Variants in THBS4 observed in about 807,000 individuals in gnomAD.
THBS4 encodes the protein thrombospondin 4.
A neutral mutation model predicts 115.7 loss-of-function variants in THBS4; 90 were observed. That is an observed-to-expected ratio of 0.78 (90% CI 0.66 to 0.93). THBS4 has a LOEUF of 0.93. Among genes scored for constraint, THBS4 ranks in the 40% least tolerant of loss-of-function variants. The probability of loss-of-function intolerance (pLI) is 0.00; values close to 1 mark genes in which losing one functional copy is unlikely to be tolerated. For synonymous variants in THBS4, 460 were observed against 479.3 expected, an observed-to-expected ratio of 0.96 and a Z score of 0.53; for missense variants, 1,087 against 1,232.7, an observed-to-expected ratio of 0.88 and a Z score of 1.77.
chr5:80,028,562 G>A (rs966060564), intron 2 of THBS4, among the ~76,000 whole-genome samples: 5 of 151,768 alleles, frequency 3.3e-5, no homozygotes, highest in Non-Finnish European at 7.4e-5. Context: ...GAGTTCAAGC[G>A]ATTCTCCTGC....
intron 2 of THBS4, among the ~76,000 whole-genome samples, chr5:80,028,893 A>C (rs192230340): frequency 0.013 from 1,899 of 151,460 alleles, 46 homozygotes; most frequent in African/African-American, 0.044. Context: ...TATTTTACCC[A>C]CTCTTTTTAT....
chr5:80,076,048 C>T (rs995971948), intron 15 of THBS4: 1 of 152,324 alleles, frequency 6.6e-6, no homozygotes, highest in African/African-American at 2.4e-5. Context: ...TGAGAGGTCT[C>T]AGACTCCAGG....
At chr5:80,010,388 A>G (rs1832100315) in intron 2 of THBS4, among the ~76,000 whole-genome samples, 1 of 152,230 alleles carries the variant, frequency 6.6e-6, no homozygotes, top group Admixed American at 6.5e-5. Flanking sequence ...TCAGTGGTTC[A>G]GAGTTTGTGG....
intron 8 of THBS4, among the ~76,000 whole-genome samples, chr5:80,065,078 C>T (rs1418407663): frequency 6.6e-6 from 1 of 151,616 alleles, no homozygotes; most frequent in African/African-American, 2.4e-5. Context: ...GCTAAGAATC[C>T]TCATTTAGGA....
chr5:80,034,732 T>C (rs557695713), upstream of THBS4, among the ~76,000 whole-genome samples: 37 of 152,328 alleles, frequency 2.4e-4, no homozygotes, highest in East Asian at 6.2e-3. Flanking sequence ...GAGATGTGTT[T>C]TATCTCCATT....
intron 2 of THBS4, among the ~76,000 whole-genome samples, chr5:80,015,038 A>C (rs1236476680): frequency 6.6e-6 from 1 of 152,232 alleles, no homozygotes; most frequent in African/African-American, 2.4e-5. Context: ...ACTCTCAAAA[A>C]CTTGGAAATG....
rs1833133608 is a variant in THBS4 at position 80,048,089 on chromosome 5, T to C, written c.293-7696T>C. Among the ~76,000 whole-genome samples the C allele has an allele frequency of 2.6e-5, 4 of 152,282 alleles. No individual in the cohort carries two copies. In the South Asian group the frequency reaches 8.3e-4, roughly 32 times the overall value. On this transcript the variant is annotated intron_variant, in intron 2 of 21. Transcript: ENST00000350881. The stretch of plus-strand genomic sequence containing the variant: ...GTGATCATGCCACTGCACTCCAGCC[T>C]GGGCAACAGGGCAAGCTCTTGTTTC...
intron 1 of THBS4, among the ~76,000 whole-genome samples, chr5:79,996,815 T>A (rs1470727282): frequency 6.6e-6 from 1 of 152,126 alleles, no homozygotes; most frequent in East Asian, 1.9e-4. Context: ...ACTTAAAAAA[T>A]GAGGTTTGTA....
At chr5:80,022,640 C>T (rs1832400538) in intron 2 of THBS4, among the ~76,000 whole-genome samples, 1 of 152,158 alleles carries the variant, frequency 6.6e-6, no homozygotes, top group South Asian at 2.1e-4. Context: ...CTAATTTGTG[C>T]AGCTCATTTA....
upstream of THBS4, chr5:80,033,209 T>C: frequency 4.4e-6 from 2 of 456,424 alleles, no homozygotes; most frequent in South Asian, 1.7e-5. Context: ...TTGGGGATCC[T>C]GCGGCTGATG....
At chr5:80,023,028 C>T (rs930414386) in intron 2 of THBS4, among the ~76,000 whole-genome samples, 1 of 152,106 alleles carries the variant, frequency 6.6e-6, no homozygotes, top group African/African-American at 2.4e-5. Context: ...GTTGCAAGAA[C>T]ACCAGCCTCA....
intron 21 of THBS4, 73 bp downstream of exon 21, chr5:80,082,618 C>T (rs937940569): frequency 1.4e-5 from 22 of 1,564,604 alleles, no homozygotes; most frequent in East Asian, 2.3e-5. Context: ...ATTTTTATAC[C>T]GCACTTCCCC....
At chr5:80,068,386 G>A (rs1259599031) in intron 10 of THBS4, 6 of 402,372 alleles carry the variant, frequency 1.5e-5, no homozygotes, top group East Asian at 5.1e-5. Context: ...CAGAGCCTCC[G>A]GTGAAGCCCC....
Position 80,083,109 on chromosome 5 carries a change from C to T in THBS4, c.2854C>T (p.Gln952Ter), listed in dbSNP as rs1388692425. Reference sequence around the variant, plus strand: ...CATCCCTGAGGACTTCCAAGAGTTTCAAACCCAGAATTTCGACCGCTTCGA... The same window carrying T: ...CATCCCTGAGGACTTCCAAGAGTTTTAAACCCAGAATTTCGACCGCTTCGA... ...DTIPEDFQEF[Q>*]TQNFDRFDN Residue 952 changes from glutamine (Q) to a stop codon, truncating the protein, a stop_gained, in exon 22 of 22, where the codon CAA becomes TAA. Coordinates refer to ENST00000350881, the MANE Select transcript of THBS4 (RefSeq NM_003248.6). LOFTEE classifies it high-confidence loss of function. 1 of 1,614,054 alleles carries T rather than the reference C, an allele frequency of 6.2e-7. No individual in the cohort carries two copies. The highest frequency in any genetic ancestry group is 2.2e-5 in the East Asian group (1 of 44,890).
chr5:80,046,918 C>T (rs1233902544), intron 2 of THBS4, among the ~76,000 whole-genome samples: 1 of 152,134 alleles, frequency 6.6e-6, no homozygotes, highest in African/African-American at 2.4e-5. Flanking sequence ...TACTATCATT[C>T]ATATTTACAA....
upstream of THBS4, among the ~76,000 whole-genome samples, chr5:80,034,342 T>C (rs1157078126): frequency 6.6e-6 from 1 of 152,208 alleles, no homozygotes; most frequent in Non-Finnish European, 1.5e-5. Context: ...AAATGGTGCA[T>C]TAATCTCCCA....
chr5:80,022,565 A>G (rs575554789), intron 2 of THBS4, among the ~76,000 whole-genome samples: 7 of 152,332 alleles, frequency 4.6e-5, no homozygotes, highest in South Asian at 2.1e-4. Context: ...TCACCTTTCA[A>G]TTACACAGTT....
At chr5:80,062,543 T>C (rs1003096383) in intron 8 of THBS4, among the ~76,000 whole-genome samples, 4 of 152,236 alleles carry the variant, frequency 2.6e-5, no homozygotes, top group African/African-American at 9.6e-5. Flanking sequence ...TTTTTTTAAG[T>C]TATTGTTATA....
At chr5:80,074,672 G>A (rs1743108597) in intron 15 of THBS4, among the ~76,000 whole-genome samples, 1 of 149,820 alleles carries the variant, frequency 6.7e-6, no homozygotes, top group Admixed American at 6.7e-5. Context: ...CACCCAGGCT[G>A]GCGTGATCTC....
Sources: allele counts gnomAD v4.1 joint callset (sites outside exome capture counted in the v4.1 genomes callset), GRCh38; gene constraint gnomAD v4.1.1; transcripts MANE v1.5; gene names NCBI Gene and HGNC (gene_info 2026-07-23, HGNC 2026-07-21).